The following TFDP2 variants were observed in gnomAD, a reference collection of about 807,000 sequenced individuals.
TFDP2 encodes transcription factor Dp-2.
In TFDP2, 17 loss-of-function variants were observed where a neutral mutation model predicts 59.3. The observed-to-expected ratio is 0.29, with a 90% CI of 0.20 to 0.43. The LOEUF is 0.43. Among genes scored for constraint, TFDP2 ranks in the 20% least tolerant of loss-of-function variants. The probability of loss-of-function intolerance (pLI) is 1.00; values close to 1 mark genes in which losing one functional copy is unlikely to be tolerated. For synonymous variants in TFDP2, 180 were observed against 194.7 expected (o/e 0.92, Z 0.63); for missense variants, 391 against 528.8 (o/e 0.74, Z 2.56).
chr3:141,966,770 A>C (rs1281997515), intron 9 of TFDP2, among the ~76,000 whole-genome samples: 2 of 151,448 alleles, frequency 1.3e-5, no homozygotes, highest in South Asian at 4.2e-4. Context: ...TGCTTTACTC[A>C]CTCCATTCTT....
rs1237217740 is a variant in TFDP2, at chr3:141,947,782, G to C, written c.*4731C>G. ...CTGGAACTTAGGAGAGATTCCAAGT[G>C]CATGTTATGGGACAGAGTGGCTTGT... On this transcript the variant is annotated 3_prime_UTR_variant, in exon 13 of 13. Coordinates refer to ENST00000489671, the MANE Select transcript of TFDP2 (RefSeq NM_001178139.2). The C allele has an allele frequency of 6.6e-6, 1 of 152,220 alleles. No homozygotes were observed. The highest frequency in any genetic ancestry group is 2.4e-5 in the African/African-American group (1 of 41,448). The allele number at this position is 152,220 out of a possible 1,614,324, so 9.4% of individuals were successfully genotyped here.
At chr3:141,968,847 G>T (rs1331314773) in intron 9 of TFDP2, among the ~76,000 whole-genome samples, 13 of 59,398 alleles carry the variant, frequency 2.2e-4, no homozygotes, top group South Asian at 4.7e-4. Context: ...CATATATATA[G>T]ATATATATAA....
intron 3 of TFDP2, among the ~76,000 whole-genome samples, chr3:142,052,429 C>T (rs1947682681): frequency 6.6e-6 from 1 of 151,736 alleles, no homozygotes; most frequent in Non-Finnish European, 1.5e-5. Flanking sequence ...CCTGTAGTCC[C>T]AGCTACTCAG....
At chr3:141,999,956 CG>C (rs2108231878) in intron 4 of TFDP2, among the ~76,000 whole-genome samples, 1 of 152,188 alleles carries the variant, frequency 6.6e-6, no homozygotes, top group East Asian at 1.9e-4. Context: ...AGGATGGTCT[CG>C]ATCTCCTGAC....
chr3:141,978,282 TTGC>T (rs1941009837), intron 7 of TFDP2, among the ~76,000 whole-genome samples: 1 of 129,798 alleles, frequency 7.7e-6, no homozygotes, highest in Non-Finnish European at 1.9e-5. Context: ...GAGGCAGAGG[TTGC>T]AGTGAGCCGA....
At chr3:141,970,209 T>A in intron 8 of TFDP2, 68 bp from the exon 9 acceptor site, 1 of 1,460,516 alleles carries the variant, frequency 6.8e-7, no homozygotes, top group East Asian at 2.3e-5. Context: ...ACTTTCCAGG[T>A]CCCTATTCTG....
rs1163239360 is a variant in TFDP2, at chr3:141,949,389, TC to T, written c.*3123del. ...CATGTTGGTCGCTCCTTTCCCGCCC[TC>T]CTCCAAGGCCCACCTTGATCATAAG... On this transcript the variant is annotated 3_prime_UTR_variant, in exon 13 of 13. Transcript: ENST00000489671. 6.6e-6 allele frequency: 1 copy of T among 152,172 alleles called. No individual in the cohort carries two copies. The highest frequency in any genetic ancestry group is 1.5e-5 in the Non-Finnish European group (1 of 68,078). 9.4% of individuals were successfully genotyped at this position (152,172 alleles called of 1,614,324 possible). A position where few individuals can be genotyped will look rare whatever the true frequency, so the allele number is the denominator to read the frequency against.
chr3:142,068,429 T>C (rs1047984737), intron 3 of TFDP2, among the ~76,000 whole-genome samples: 8 of 152,176 alleles, frequency 5.3e-5, no homozygotes, highest in African/African-American at 1.9e-4. Flanking sequence ...CATGTTGAAC[T>C]TCATTAAAAT....
intron 3 of TFDP2, among the ~76,000 whole-genome samples, chr3:142,006,394 C>T (rs1017669820): frequency 6.6e-5 from 10 of 152,024 alleles, no homozygotes; most frequent in Non-Finnish European, 1.3e-4. Flanking sequence ...ACAACAAAGA[C>T]ATTTCCTTCT....
At chr3:142,126,965 T>A (rs1460749702) in intron 1 of TFDP2, among the ~76,000 whole-genome samples, 18 of 141,290 alleles carry the variant, frequency 1.3e-4, no homozygotes, top group Non-Finnish European at 1.4e-4. Context: ...AAAAAAAAAA[T>A]TACAGTAAAA....
At chr3:142,054,138 C>T (rs1164040492) in intron 3 of TFDP2, 1 of 152,174 alleles carries the variant, frequency 6.6e-6, no homozygotes, top group Non-Finnish European at 1.5e-5. Context: ...AATTCCACTT[C>T]TAGGTATTTA....
intron 6 of TFDP2, among the ~76,000 whole-genome samples, chr3:141,986,352 A>G (rs1322314450): frequency 6.6e-6 from 1 of 152,230 alleles, no homozygotes; most frequent in Non-Finnish European, 1.5e-5. Context: ...TTCTAGTTAC[A>G]GTTCCACCCA....
intron 3 of TFDP2, among the ~76,000 whole-genome samples, chr3:142,042,737 C>G (rs75485781): frequency 1.3e-5 from 1 of 75,162 alleles, no homozygotes; most frequent in Non-Finnish European, 2.5e-5. Flanking sequence ...TGCCTGGACG[C>G]TTTTTTTTTT....
intron 12 of TFDP2, 51 bp from the exon 13 acceptor site, chr3:141,952,747 T>C: frequency 3.7e-6 from 6 of 1,600,600 alleles, no homozygotes; most frequent in Non-Finnish European, 5.1e-6. Flanking sequence ...ATAAACAGTT[T>C]TGTAAAACAT....
rs7649769 is a variant in TFDP2 at position 142,039,426 on chromosome 3, A to T, written c.83-33882T>A. On this transcript the variant is annotated intron_variant, in intron 3 of 12. Coordinates refer to ENST00000489671, the MANE Select transcript of TFDP2 (RefSeq NM_001178139.2). ...TTTTGAGACAGGGTCTTGCTCTGTC[A>T]CCCAGGCTGGAGTGTGGTGCCACTA... Among the ~76,000 whole-genome samples, 808 of 152,154 alleles carry T rather than the reference A, an allele frequency of 5.3e-3. 4 individuals carry two copies. Among genetic ancestry groups the T allele is most frequent in the African/African-American group, 0.018 (752 of 41,502 alleles).
At chr3:141,965,335 A>T (rs1576477133) in intron 9 of TFDP2, among the ~76,000 whole-genome samples, 1 of 151,652 alleles carries the variant, frequency 6.6e-6, no homozygotes, top group Admixed American at 6.6e-5. Context: ...AAGTTTCAGT[A>T]AGATTACTAT....
chr3:142,147,580 T>A (rs1343322960), intron 1 of TFDP2, among the ~76,000 whole-genome samples: 1 of 152,194 alleles, frequency 6.6e-6, no homozygotes, highest in East Asian at 1.9e-4. Context: ...CTGCAAAAAT[T>A]CAGCTTTCCT....
At chr3:141,990,370 G>A (rs1942628384) in intron 6 of TFDP2, among the ~76,000 whole-genome samples, 1 of 151,828 alleles carries the variant, frequency 6.6e-6, no homozygotes, top group Admixed American at 6.6e-5. Flanking sequence ...TGCCTCCCGG[G>A]TTCAAGCGAT....
intron 1 of TFDP2, among the ~76,000 whole-genome samples, chr3:142,131,830 A>T (rs2108729524): frequency 6.7e-6 from 1 of 149,724 alleles, no homozygotes; most frequent in African/African-American, 2.5e-5. Context: ...ACATGGCAAA[A>T]TCCCATCTCT....
Sources: gnomAD v4.1 joint callset for allele counts (sites outside exome capture counted in the v4.1 genomes callset) on GRCh38, gnomAD v4.1.1 for gene constraint, MANE v1.5 for transcripts, NCBI Gene and HGNC (gene_info 2026-07-23, HGNC 2026-07-21) for gene names.